Variants in PTPN21 observed in about 807,000 individuals in gnomAD.
PTPN21 encodes the protein protein tyrosine phosphatase non-receptor type 21.
A neutral mutation model predicts 131.8 loss-of-function variants in PTPN21; 77 were observed. That is an observed-to-expected ratio of 0.58 (90% CI 0.49 to 0.71). The LOEUF (loss-of-function observed/expected upper bound fraction) is 0.71. Ranked by LOEUF, PTPN21 falls within the 30% of genes least tolerant of loss-of-function variation. The pLI, the probability that PTPN21 is intolerant of heterozygous loss-of-function variation, is 0.00. For missense variants in PTPN21, 1,552 were observed against 1,527.1 expected (o/e 1.02, Z -0.27); for synonymous variants, 715 against 621.3 (o/e 1.15, Z -2.24).
chr14:88,473,036 T>C (rs1052388369), intron 14 of PTPN21, among the ~76,000 whole-genome samples: 2 of 152,208 alleles, frequency 1.3e-5, no homozygotes, highest in African/African-American at 2.4e-5. Flanking sequence ...TGGTCAATTT[T>C]GTGACCCCTA....
rs1566825852 is a variant in PTPN21, at chr14:88,497,189, T to A, written c.852+14A>T. 1 of 1,573,038 alleles carries A rather than the reference T, an allele frequency of 6.4e-7. No individual in the cohort carries two copies. The highest frequency in any genetic ancestry group is 1.1e-5 in the South Asian group (1 of 90,178). On this transcript the variant is annotated intron_variant, in intron 9 of 18. Transcript: ENST00000556564. ...AGGAAAAACATTCCATGCAGACCCC[T>A]AATGTTTACTCACAGTTTGAAATTG...
intron 10 of PTPN21, among the ~76,000 whole-genome samples, chr14:88,490,704 G>A (rs1005574561): frequency 2.6e-5 from 4 of 152,208 alleles, no homozygotes; most frequent in Admixed American, 1.3e-4. Context: ...GGTGGACACC[G>A]GCTGCTATGT....
intron 10 of PTPN21, 98 bp downstream of exon 10, chr14:88,496,315 C>A: frequency 9.1e-7 from 1 of 1,102,896 alleles, no homozygotes; most frequent in Admixed American, 2.1e-5. Flanking sequence ...GAAAAGATGT[C>A]AACTGATAAA....
At chr14:88,500,098 G>C (rs1190936725) in intron 8 of PTPN21, among the ~76,000 whole-genome samples, 2 of 152,016 alleles carry the variant, frequency 1.3e-5, no homozygotes, top group African/African-American at 4.8e-5. Context: ...TAGGAATTTT[G>C]GTACAAAACT....
chr14:88,540,558 A>G (rs2078691649), intron 2 of PTPN21, among the ~76,000 whole-genome samples: 1 of 152,258 alleles, frequency 6.6e-6, no homozygotes, highest in Admixed American at 6.5e-5. Context: ...GTTGAATCAA[A>G]TGGTATAAAG....
At chr14:88,494,345 G>A (rs998045118) in intron 10 of PTPN21, among the ~76,000 whole-genome samples, 1 of 152,134 alleles carries the variant, frequency 6.6e-6, no homozygotes. Flanking sequence ...ACCAGGCAAG[G>A]ACCACACTGT....
chr14:88,492,032 A>G (rs1030365508), intron 10 of PTPN21, among the ~76,000 whole-genome samples: 9 of 151,818 alleles, frequency 5.9e-5, no homozygotes, highest in African/African-American at 2.2e-4. Flanking sequence ...ATTTGCAAAA[A>G]AAAAAACACA....
intron 13 of PTPN21, among the ~76,000 whole-genome samples, chr14:88,474,202 T>A (rs2077516887): frequency 2.3e-5 from 2 of 85,190 alleles, no homozygotes; most frequent in Non-Finnish European, 5.6e-5. Context: ...CTTTTATAAA[T>A]TTTTTTTTTG....
At chr14:88,494,107 G>A (rs1015493030) in intron 10 of PTPN21, among the ~76,000 whole-genome samples, 8 of 152,178 alleles carry the variant, frequency 5.3e-5, no homozygotes, top group Non-Finnish European at 1.0e-4. Context: ...AGGGTAAAGA[G>A]ACAGATCATA....
chr14:88,516,975 T>C (rs1044170442), intron 3 of PTPN21, 117 bp downstream of exon 3: 5 of 1,191,856 alleles, frequency 4.2e-6, no homozygotes, highest in Non-Finnish European at 5.8e-6. Context: ...ACACCGTGGC[T>C]AAAAATGTGG....
chr14:88,469,752 G>GT lies in PTPN21; in HGVS notation c.3001-20dup. ...CACCCTCCTGTTAAAGATGAGCATG[G>GT]TTAAATGACTCGAGATCCGGCAATG... On this transcript the variant is annotated intron_variant, in intron 16 of 18. Coordinates refer to ENST00000556564, the MANE Select transcript of PTPN21 (RefSeq NM_007039.4). This position sits in a 1 kb window ranked among gnomAD's most constrained non-coding sequence, Gnocchi z 4.3. The GT allele has an allele frequency of 6.2e-7, 1 of 1,612,378 alleles. No individual in the cohort carries two copies. Among genetic ancestry groups the GT allele is most frequent in the Non-Finnish European group, 8.5e-7 (1 of 1,178,442 alleles).
chr14:88,543,848 T>C (rs563622529), intron 2 of PTPN21, among the ~76,000 whole-genome samples: 187 of 152,248 alleles, frequency 1.2e-3, no homozygotes, highest in Middle Eastern at 3.4e-3. Flanking sequence ...TTAACTCAAC[T>C]TCAAAACAAT....
chr14:88,545,385 A>G (rs927943769), intron 2 of PTPN21, among the ~76,000 whole-genome samples: 2 of 152,148 alleles, frequency 1.3e-5, no homozygotes, highest in African/African-American at 2.4e-5. Context: ...GAGATTTTTG[A>G]GCCTGACTCT....
intron 2 of PTPN21, among the ~76,000 whole-genome samples, chr14:88,534,192 G>A (rs1056751232): frequency 2.2e-4 from 33 of 150,870 alleles, no homozygotes; most frequent in Non-Finnish European, 1.8e-4. Context: ...TGGCCAACGC[G>A]GCAAAAACCC....
At position 88,550,577 on chromosome 14, in the gene PTPN21, C is replaced by A; in HGVS notation, c.-160G>T. The A allele has an allele frequency of 1.4e-6, 1 of 700,138 alleles. No individual in the cohort carries two copies. The highest frequency in any genetic ancestry group is 2.3e-6 in the Non-Finnish European group (1 of 430,400). The allele number at this position is 700,138 out of a possible 1,614,324, so 43.4% of individuals were successfully genotyped here. A position where few individuals can be genotyped will look rare whatever the true frequency, so the allele number is the denominator to read the frequency against. ...AGCCGCTGCCGCCATTAAAAAGCAA[C>A]GGAGTCTCCAATGGCCCGAGGAAGG... On this transcript the variant is annotated 5_prime_UTR_variant, in exon 2 of 19. Coordinates refer to ENST00000556564, the MANE Select transcript of PTPN21 (RefSeq NM_007039.4).
chr14:88,498,688 G>A (rs982175759), intron 8 of PTPN21, among the ~76,000 whole-genome samples: 2 of 152,142 alleles, frequency 1.3e-5, no homozygotes, highest in Non-Finnish European at 2.9e-5. Context: ...ACAAAAGTGG[G>A]GGAGGTGTGC....
chr14:88,480,389 T>C (rs1402653875), intron 12 of PTPN21, 37 bp from the exon 13 acceptor site: 4 of 1,482,696 alleles, frequency 2.7e-6, no homozygotes, highest in Non-Finnish European at 3.7e-6. Context: ...TTTTTTTAAA[T>C]GGACTAATTA....
intron 13 of PTPN21, 33 bp from the exon 14 acceptor site, chr14:88,473,835 TAC>T (rs771307748): frequency 1.3e-6 from 2 of 1,559,514 alleles, no homozygotes; most frequent in Non-Finnish European, 1.7e-6. Context: ...ATATGAAATA[TAC>T]ACAAATACAA....
At chr14:88,523,221 C>T (rs1298923689) in intron 2 of PTPN21, among the ~76,000 whole-genome samples, 3 of 151,930 alleles carry the variant, frequency 2.0e-5, no homozygotes, top group Non-Finnish European at 2.9e-5. Context: ...CTGAGTCTAA[C>T]AGCACACTAA....
Sources: allele counts gnomAD v4.1 joint callset (sites outside exome capture counted in the v4.1 genomes callset), GRCh38; gene constraint gnomAD v4.1.1; non-coding constraint Gnocchi (gnomAD v3.1); transcripts MANE v1.5; gene names NCBI Gene and HGNC (gene_info 2026-07-23, HGNC 2026-07-21).